SEMA3A: variants seen among roughly 807,000 people sequenced by gnomAD.
SEMA3A encodes the protein semaphorin 3A.
In SEMA3A, 29 loss-of-function variants were observed where a neutral mutation model predicts 97.9. The ratio of observed to expected loss-of-function variants is 0.30; its 90% CI spans 0.22 to 0.40. SEMA3A has a LOEUF of 0.40. Ranked by LOEUF, SEMA3A falls within the 10% of genes least tolerant of loss-of-function variation. The probability of loss-of-function intolerance (pLI) is 1.00; values close to 1 mark genes in which losing one functional copy is unlikely to be tolerated. For missense variants in SEMA3A, 763 were observed against 951.3 expected (o/e 0.80, Z 2.60); for synonymous variants, 321 against 323.7 (o/e 0.99, Z 0.09).
chr7:84,408,051 A>T (rs960419986), intron 1 of SEMA3A, among the ~76,000 whole-genome samples: 6 of 152,232 alleles, frequency 3.9e-5, no homozygotes, highest in Non-Finnish European at 8.8e-5. Flanking sequence ...ATGGGATCTA[A>T]TTAAACTAAA....
At chr7:84,019,139 G>C (rs985163542) in intron 6 of SEMA3A, among the ~76,000 whole-genome samples, 1 of 152,032 alleles carries the variant, frequency 6.6e-6, no homozygotes, top group African/African-American at 2.4e-5. Context: ...GTAAGAAATA[G>C]TGAGAAAAAT....
At chr7:84,382,102 T>C (rs1278822953) in intron 1 of SEMA3A, among the ~76,000 whole-genome samples, 2 of 152,048 alleles carry the variant, frequency 1.3e-5, no homozygotes, top group Non-Finnish European at 2.9e-5. Context: ...TCAAAATACA[T>C]ATGCCATTTT....
At chr7:84,114,017 CA>C (rs1795350540) in intron 3 of SEMA3A, among the ~76,000 whole-genome samples, 1 of 151,930 alleles carries the variant, frequency 6.6e-6, no homozygotes, top group South Asian at 2.1e-4. Flanking sequence ...ATACAGGAGC[CA>C]AAAGCACAGT....
rs564643173 is a variant in SEMA3A at position 84,422,406 on chromosome 7, CTT to C, written c.-245-50508_-245-50507del. Among the ~76,000 whole-genome samples, 244 of 152,026 alleles carry C rather than the reference CTT, an allele frequency of 1.6e-3. 2 individuals are homozygous for C. The Middle Eastern group carries it at 0.041, about 25-fold the overall frequency. The stretch of plus-strand genomic sequence containing the variant: ...TATTGTGCCTATTTGATTCTTCTCT[CTT>C]TTATTCTTTATTGGTCTGGCTATCC... On this transcript the variant is annotated intron_variant, in intron 1 of 3. Transcript: ENST00000424555.
chr7:84,200,831 T>G (rs2116295886), intron 3 of SEMA3A, among the ~76,000 whole-genome samples: 1 of 148,464 alleles, frequency 6.7e-6, no homozygotes, highest in Non-Finnish European at 1.5e-5. Flanking sequence ...AGTCTCCACC[T>G]CAACTCAAAT....
At chr7:84,056,688 CTATTA>C (rs1226523102) in intron 5 of SEMA3A, among the ~76,000 whole-genome samples, 3 of 152,010 alleles carry the variant, frequency 2.0e-5, no homozygotes, top group Non-Finnish European at 4.4e-5. Context: ...AAATTTTACA[CTATTA>C]TATTTATTGA....
At chr7:84,179,061 C>T (rs573728402) in intron 1 of SEMA3A, among the ~76,000 whole-genome samples, 1 of 152,148 alleles carries the variant, frequency 6.6e-6, no homozygotes, top group Non-Finnish European at 1.5e-5. Flanking sequence ...TCTCAACACT[C>T]ACAGTTCTTT....
chr7:84,352,524 C>CATAAAA (rs749147737), intron 2 of SEMA3A, among the ~76,000 whole-genome samples: 18 of 151,390 alleles, frequency 1.2e-4, no homozygotes, highest in Admixed American at 9.2e-4. Context: ...ACTATGTACC[C>CATAAAA]ATAAAAATAA....
chr7:84,084,334 A>G (rs1384176435), intron 4 of SEMA3A, among the ~76,000 whole-genome samples: 5 of 152,080 alleles, frequency 3.3e-5, no homozygotes, highest in Non-Finnish European at 7.4e-5. Flanking sequence ...AATAGTTATA[A>G]CAAAAAATCA....
chr7:84,463,483 C>T (rs1229724700), intron 1 of SEMA3A, among the ~76,000 whole-genome samples: 1 of 151,924 alleles, frequency 6.6e-6, no homozygotes, highest in Non-Finnish European at 1.5e-5. Flanking sequence ...CTCCTAACCT[C>T]GTGATCCGCC....
chr7:84,053,698 T>C (rs1583881146), intron 5 of SEMA3A, among the ~76,000 whole-genome samples: 1 of 150,066 alleles, frequency 6.7e-6, no homozygotes, highest in Admixed American at 6.7e-5. Flanking sequence ...AATTGGAGCA[T>C]TTAGTCCATT....
intron 3 of SEMA3A, among the ~76,000 whole-genome samples, chr7:84,231,754 T>C (rs1799120837): frequency 7.6e-6 from 1 of 132,062 alleles, no homozygotes; most frequent in Non-Finnish European, 1.8e-5. Flanking sequence ...GGCTGATCTT[T>C]ACTAAGCAAG....
intron 1 of SEMA3A, among the ~76,000 whole-genome samples, chr7:84,478,615 A>G (rs1001194229): frequency 2.0e-5 from 3 of 152,028 alleles, no homozygotes; most frequent in Non-Finnish European, 2.9e-5. Flanking sequence ...TTTATAGACT[A>G]CAAAGGATTA....
chr7:84,314,624 A>G (rs568900677), intron 2 of SEMA3A, among the ~76,000 whole-genome samples: 1 of 152,310 alleles, frequency 6.6e-6, no homozygotes, highest in Admixed American at 6.5e-5. Flanking sequence ...ATATAGATAG[A>G]TGTTGAGATC....
chr7:83,986,495 T>C (rs1366128208), intron 12 of SEMA3A, among the ~76,000 whole-genome samples: 2 of 152,180 alleles, frequency 1.3e-5, no homozygotes, highest in Non-Finnish European at 2.9e-5. Flanking sequence ...CAAAAGCCTA[T>C]ATAACTGAAC....
chr7:83,983,178 C>A (rs975429437), intron 13 of SEMA3A, among the ~76,000 whole-genome samples: 1 of 151,626 alleles, frequency 6.6e-6, no homozygotes, highest in African/African-American at 2.4e-5. Flanking sequence ...GCTTTCCTTC[C>A]CCATTTCTCT....
At chr7:84,216,788 C>A (rs1798764739) in intron 3 of SEMA3A, among the ~76,000 whole-genome samples, 1 of 151,988 alleles carries the variant, frequency 6.6e-6, no homozygotes, top group Non-Finnish European at 1.5e-5. Context: ...GATACTAGAT[C>A]TAAATTGGTC....
At chr7:84,105,204 G>C (rs1001897162) in intron 4 of SEMA3A, among the ~76,000 whole-genome samples, 8 of 152,252 alleles carry the variant, frequency 5.3e-5, no homozygotes, top group Non-Finnish European at 1.2e-4. Context: ...CCAATTCGTA[G>C]AAATAAACTT....
intron 13 of SEMA3A, 79 bp downstream of exon 13, chr7:83,985,357 T>C (rs1000690523): frequency 3.0e-6 from 3 of 997,358 alleles, no homozygotes; most frequent in South Asian, 1.5e-5. Flanking sequence ...TCTGTGAAAT[T>C]TGATAAATAG....
Sources: gnomAD v4.1 joint callset for allele counts (sites outside exome capture counted in the v4.1 genomes callset) on GRCh38, gnomAD v4.1.1 for gene constraint, MANE v1.5 for transcripts, NCBI Gene and HGNC (gene_info 2026-07-23, HGNC 2026-07-21) for gene names.